The following CD3D variants were observed in gnomAD, a reference collection of about 807,000 sequenced individuals.
The protein encoded by CD3D is CD3 delta subunit of T-cell receptor complex, also known as T-cell surface glycoprotein CD3 delta chain.
In CD3D, 22 loss-of-function variants were observed where a neutral mutation model predicts 22.0. That is an observed-to-expected ratio of 1.00 (90% CI 0.71 to 1.43). The LOEUF (loss-of-function observed/expected upper bound fraction) is 1.43, where lower values mean the gene tolerates loss of function less well. Among genes scored for constraint, CD3D ranks in the 40% most tolerant of loss-of-function variants. The pLI is 0.00. For synonymous variants in CD3D, 74 were observed against 81.2 expected (o/e 0.91, Z 0.48); for missense variants, 205 against 211.7 (o/e 0.97, Z 0.20).
intron 1 of CD3D, chr11:118,340,869 C>T (rs994480628): frequency 1.6e-6 from 1 of 622,524 alleles, no homozygotes; most frequent in Non-Finnish European, 3.0e-6. Context: ...GACCCAAGCA[C>T]CTTCCTGGAA....
intron 1 of CD3D, among the ~76,000 whole-genome samples, chr11:118,341,783 T>G (rs780820314): frequency 2.0e-5 from 3 of 152,206 alleles, no homozygotes; most frequent in Non-Finnish European, 4.4e-5. Context: ...TCCTACCATG[T>G]AACAACCCCT....
In CD3D at chr11:118,340,788, T is replaced by C. The variant is rs146652164; in HGVS notation, c.56-195A>G. On this transcript the variant is annotated intron_variant, in intron 1 of 4. Transcript: ENST00000300692. ...CCAACTGCAGGGGTCAAGGGGGACATGAGGATGCCATTCAAGCAGAGGACA... is the reference window on the plus strand; with the variant it reads ...CCAACTGCAGGGGTCAAGGGGGACACGAGGATGCCATTCAAGCAGAGGACA... 1.6e-3 allele frequency: 1,128 copies of C among 684,994 alleles called. 3 individuals are homozygous for C. The highest frequency in any genetic ancestry group is 7.8e-3 in the Middle Eastern group (33 of 4,220). The allele number at this position is 684,994 out of a possible 1,614,324, so 42.4% of individuals were successfully genotyped here.
intron 1 of CD3D, among the ~76,000 whole-genome samples, chr11:118,341,685 G>C (rs1302871979): frequency 6.6e-6 from 1 of 152,158 alleles, no homozygotes; most frequent in South Asian, 2.1e-4. Flanking sequence ...GTGACCATTG[G>C]ACCCAGTTTG....
At chr11:118,341,371 C>T (rs1591278835) in intron 1 of CD3D, among the ~76,000 whole-genome samples, 1 of 152,228 alleles carries the variant, frequency 6.6e-6, no homozygotes, top group Non-Finnish European at 1.5e-5. Flanking sequence ...GTTCCTCTGA[C>T]AGCCTGAGCA....
rs777623971 is a variant in CD3D at position 118,342,603 on chromosome 11, T to C, written c.5A>G (p.Glu2Gly). 4 of 1,613,704 alleles carry C rather than the reference T, an allele frequency of 2.5e-6. No individual in the cohort carries two copies. The East Asian group carries it at 8.9e-5, about 36-fold the overall frequency. The part of the protein sequence containing the change: M[E>G]HSTFLSGLVL... ...CAGGCCAGAGAGAAACGTGCTATGT[T>C]CCATCTCCCAGCGGAACTCATCCAG... Residue 2 changes from glutamate to glycine, a missense_variant, in exon 1 of 5, where the codon GAA becomes GGA. Coordinates refer to ENST00000300692, the MANE Select transcript of CD3D (RefSeq NM_000732.6).
downstream of CD3D, chr11:118,338,963 G>A: frequency 1.6e-6 from 1 of 623,826 alleles, no homozygotes; most frequent in South Asian, 1.7e-5. Flanking sequence ...GTGTGAGGCA[G>A]AGGAAGGAAG....
intron 4 of CD3D, 48 bp from the exon 5 acceptor site, chr11:118,339,275 T>C (rs1414371113): frequency 6.3e-7 from 1 of 1,577,798 alleles, no homozygotes; most frequent in Non-Finnish European, 8.7e-7. Context: ...TTAGAACTCT[T>C]CAAGGAAGGG....
At chr11:118,340,325 C>T (rs1460178404) in intron 2 of CD3D, 50 bp downstream of exon 2, 1 of 1,424,456 alleles carries the variant, frequency 7.0e-7, no homozygotes, top group Non-Finnish European at 9.9e-7. Flanking sequence ...AAAGTTCTCA[C>T]ATCCAGAAGC....
rs911786730 is a variant in CD3D at position 118,340,259 on chromosome 11, A to G, written c.274+116T>C. On this transcript the variant is annotated intron_variant, in intron 2 of 4. Transcript: ENST00000300692. ...CAAATCTGGCTTGTACCATTACAAT[A>G]GTGACCTCACTTTGTTTAGAGAACA... 4 of 852,344 alleles carry G rather than the reference A, an allele frequency of 4.7e-6. No individual in the cohort carries two copies. The African/African-American group carries it at 6.7e-5, about 14-fold the overall frequency. The allele number at this position is 852,344 out of a possible 1,614,324, so 52.8% of individuals were successfully genotyped here. A position where few individuals can be genotyped will look rare whatever the true frequency, so the allele number is the denominator to read the frequency against.
In CD3D at chr11:118,339,207, ATCATCTCGATCT is replaced by A. The variant is rs1482809517; in HGVS notation, c.459_470del (p.Asp154_Asp157del). 1.4e-5 allele frequency: 23 copies of A among 1,613,822 alleles called. No homozygotes were observed. Among genetic ancestry groups the A allele is most frequent in the Middle Eastern group, 1.6e-4 (1 of 6,082 alleles). Reference sequence around the variant, plus strand: ...TTCCTCCAAGGTGGCTGTACTGAGCATCATCTCGATCTCGGAGGGGCTAAGAGAGGAGAAGAG... The same window carrying A: ...TTCCTCCAAGGTGGCTGTACTGAGCACGGAGGGGCTAAGAGAGGAGAAGAG... On this transcript the variant is annotated inframe_deletion, in exon 5 of 5. Transcript: ENST00000300692.
rs111033581 is a variant in CD3D, at chr11:118,339,902, G to T, written c.279C>A (p.Cys93Ter). The T allele has an allele frequency of 5.0e-6, 8 of 1,613,902 alleles. No individual in the cohort carries two copies. Among genetic ancestry groups the T allele is most frequent in the Admixed American group, 3.3e-5 (2 of 59,964 alleles). ...ESTVQVHYRM[C>*]QSCVELDPAT... ...CTGGATCCAGCTCCACACAGCTCTG[G>T]CACACTGTGGGGGAAGGGAGGAGAG... The change falls in exon 3 of 5, where the codon TGC (cysteine) becomes TGA (stop). Residue 93 changes from cysteine to a stop codon, truncating the protein, a stop_gained. Transcript: ENST00000300692. LOFTEE classifies it high-confidence loss of function.
Position 118,342,673 on chromosome 11 carries a change from C to T in CD3D, c.-66G>A. ...GAACTATCAGCCTGGGTGAGAGCTG[C>T]CCTCCCCTAGCTGACTCACAGGTAC... On this transcript the variant is annotated 5_prime_UTR_variant, in exon 1 of 5. Transcript: ENST00000300692. 1 of 1,383,096 alleles carries T rather than the reference C, an allele frequency of 7.2e-7. No homozygotes were observed. The highest frequency in any genetic ancestry group is 1.4e-5 in the African/African-American group (1 of 70,466). The allele number at this position is 1,383,096 out of a possible 1,614,324, so 85.7% of individuals were successfully genotyped here.
chr11:118,340,338 T>A, intron 2 of CD3D, 37 bp downstream of exon 2: 1 of 1,514,890 alleles, frequency 6.6e-7, no homozygotes, highest in Non-Finnish European at 9.2e-7. Context: ...CCAGAAGCCC[T>A]ATCCATTCCA....
chr11:118,340,755 G>T (rs1171341948), intron 1 of CD3D, 162 bp from the exon 2 acceptor site: 6 of 702,906 alleles, frequency 8.5e-6, no homozygotes, highest in African/African-American at 3.5e-5. Flanking sequence ...CCTTCAGAAA[G>T]TTCCCCACCA....
Position 118,340,513 on chromosome 11 carries a change from C to T in CD3D, c.136G>A (p.Gly46Arg), listed in dbSNP as rs1444773153. 1.2e-6 allele frequency: 2 copies of T among 1,613,936 alleles called. No homozygotes were observed. The highest frequency in any genetic ancestry group is 1.7e-5 in the Admixed American group (1 of 59,992). Residue 46 changes from glycine (G) to arginine (R), a missense_variant, in exon 2 of 5, where the codon GGA (glycine) becomes AGA (arginine). Coordinates refer to ENST00000300692, the MANE Select transcript of CD3D (RefSeq NM_000732.6). ...TCTGAGAGCAGTGTTCCCACCGTTCCCTCTACCCATGTGATGCTGGTATTG... is the reference window on the plus strand; with the variant it reads ...TCTGAGAGCAGTGTTCCCACCGTTCTCTCTACCCATGTGATGCTGGTATTG... Reference protein sequence around the residue: ...NCNTSITWVEGTVGTLLSDIT... With the variant: ...NCNTSITWVERTVGTLLSDIT...
At chr11:118,340,801 C>T (rs1053160735) in intron 1 of CD3D, 1 of 678,478 alleles carries the variant, frequency 1.5e-6, no homozygotes, top group Non-Finnish European at 2.7e-6. Flanking sequence ...GGATGCCATT[C>T]AAGCAGAGGA....
rs112978623 is a variant in CD3D at position 118,339,370 on chromosome 11, C to T, written c.450+81G>A. 5.8e-6 allele frequency: 9 copies of T among 1,545,062 alleles called. No individual in the cohort carries two copies. The Middle Eastern group carries it at 5.3e-4, about 91-fold the overall frequency. ...GAACTCCCCAGTAGGACCCTTCCCA[C>T]GTGCAAACAGCATTCAGTGTGAGCC... On this transcript the variant is annotated intron_variant, in intron 4 of 4. Coordinates refer to ENST00000300692, the MANE Select transcript of CD3D (RefSeq NM_000732.6).
rs1565518744 is a variant in CD3D, at chr11:118,342,667, G to C, written c.-60C>G. On this transcript the variant is annotated 5_prime_UTR_variant, in exon 1 of 5. Coordinates refer to ENST00000300692, the MANE Select transcript of CD3D (RefSeq NM_000732.6). ...GTCACCGAACTATCAGCCTGGGTGA[G>C]AGCTGCCCTCCCCTAGCTGACTCAC... 2 of 1,443,086 alleles carry C rather than the reference G, an allele frequency of 1.4e-6. No homozygotes were observed. Among genetic ancestry groups the C allele is most frequent in the African/African-American group, 1.4e-5 (1 of 71,620 alleles). The allele number at this position is 1,443,086 out of a possible 1,614,324, so 89.4% of individuals were successfully genotyped here.
chr11:118,340,497 A>C lies in CD3D; in HGVS notation c.152T>G (p.Leu51Arg). The C allele has an allele frequency of 6.2e-7, 1 of 1,614,094 alleles. No individual in the cohort carries two copies. Among genetic ancestry groups the C allele is most frequent in the Non-Finnish European group, 8.5e-7 (1 of 1,179,956 alleles). Residue 51 changes from leucine (L) to arginine (R), a missense_variant, in exon 2 of 5, where the codon CTG becomes CGG. By Grantham distance (102) the Leu-to-Arg change is moderately radical. Transcript: ENST00000300692. ...ITWVEGTVGT[L>R]LSDITRLDLG... Reference sequence around the variant, plus strand: ...GTCCAGTCTTGTAATGTCTGAGAGCAGTGTTCCCACCGTTCCCTCTACCCA... The same window carrying C: ...GTCCAGTCTTGTAATGTCTGAGAGCCGTGTTCCCACCGTTCCCTCTACCCA...
Sources: allele counts gnomAD v4.1 joint callset (sites outside exome capture counted in the v4.1 genomes callset), GRCh38; gene constraint gnomAD v4.1.1; transcripts MANE v1.5; gene names NCBI Gene and HGNC (gene_info 2026-07-23, HGNC 2026-07-21).